Variants in PLCE1 observed in about 807,000 individuals in gnomAD.
PLCE1 encodes the protein phospholipase C epsilon 1.
PLCE1 carries 119 observed loss-of-function variants against 242.8 expected under a neutral mutation model. The ratio of observed to expected loss-of-function variants is 0.49; its 90% CI spans 0.42 to 0.57. The LOEUF (loss-of-function observed/expected upper bound fraction) is 0.57. Among genes scored for constraint, PLCE1 ranks in the 20% least tolerant of loss-of-function variants. The probability of loss-of-function intolerance (pLI) is 0.00; values close to 1 mark genes in which losing one functional copy is unlikely to be tolerated. For synonymous variants in PLCE1, 945 were observed against 1,017.4 expected (o/e 0.93, Z 1.35); for missense variants, 2,441 against 2,788.8 (o/e 0.88, Z 2.81).
chr10:94,184,532 G>C (rs2048409874), intron 4 of PLCE1, among the ~76,000 whole-genome samples: 1 of 152,108 alleles, frequency 6.6e-6, no homozygotes. Context: ...CTTTCACTAT[G>C]TTGGCCAGGC....
At chr10:94,296,704 C>T (rs998420858) in intron 23 of PLCE1, among the ~76,000 whole-genome samples, 9 of 152,154 alleles carry the variant, frequency 5.9e-5, no homozygotes, top group African/African-American at 2.2e-4. Flanking sequence ...GTTTGGCTTC[C>T]TTATCATTTG....
At chr10:94,310,235 G>A (rs2053343488) in intron 27 of PLCE1, among the ~76,000 whole-genome samples, 1 of 152,170 alleles carries the variant, frequency 6.6e-6, no homozygotes, top group Non-Finnish European at 1.5e-5. Flanking sequence ...TGGCCATGAT[G>A]GCTTCCACTG....
At chr10:94,112,455 G>A (rs934102349) in intron 2 of PLCE1, among the ~76,000 whole-genome samples, 2 of 152,166 alleles carry the variant, frequency 1.3e-5, no homozygotes, top group Non-Finnish European at 2.9e-5. Flanking sequence ...AAATTTTGAG[G>A]TTCATTTCCC....
chr10:94,018,933 C>T lies in PLCE1; in HGVS notation c.-364-11750C>T, dbSNP rs113175958. The stretch of plus-strand genomic sequence containing the variant: ...ACAGTAAGTGTACAGATATTTGAGC[C>T]TTTATTATTATAGTGCTGAAGGGGT... On this transcript the variant is annotated intron_variant, in intron 1 of 32. Coordinates refer to ENST00000371380, the MANE Select transcript of PLCE1 (RefSeq NM_016341.4). Among the ~76,000 whole-genome samples the T allele has an allele frequency of 6.7e-3, 1,018 of 152,158 alleles. 14 individuals carry two copies. The highest frequency in any genetic ancestry group is 0.023 in the African/African-American group (974 of 41,504).
intron 2 of PLCE1, among the ~76,000 whole-genome samples, chr10:94,111,861 T>C (rs1373143030): frequency 6.6e-6 from 1 of 152,260 alleles, no homozygotes; most frequent in Non-Finnish European, 1.5e-5. Flanking sequence ...TAAATGTTTG[T>C]AGTGCCGCCG....
chr10:94,005,722 C>T (rs1239964288), intron 1 of PLCE1, among the ~76,000 whole-genome samples: 2 of 152,190 alleles, frequency 1.3e-5, no homozygotes, highest in Admixed American at 6.5e-5. Flanking sequence ...AGTTCTCCAT[C>T]GTAGTGAGTA....
rs2052930976 is a variant in PLCE1 at position 94,298,771 on chromosome 10, C to T, written c.5458+102C>T. 5 of 1,155,178 alleles carry T rather than the reference C, an allele frequency of 4.3e-6. No individual in the cohort carries two copies. The highest frequency in any genetic ancestry group is 3.7e-5 in the South Asian group (3 of 81,134). The allele number at this position is 1,155,178 out of a possible 1,614,324, so 71.6% of individuals were successfully genotyped here. ...AGGGGCAAGATTCCAGACTGGGGCA[C>T]ACCATATGTGAGAGTAAAAATATGA... is the stretch of plus-strand genomic sequence containing the variant. On this transcript the variant is annotated intron_variant, in intron 24 of 32. Transcript: ENST00000371380. This position sits in a 1 kb window ranked among gnomAD's most constrained non-coding sequence, Gnocchi z 5.2.
intron 1 of PLCE1, among the ~76,000 whole-genome samples, chr10:94,021,184 G>A (rs1220349837): frequency 6.7e-6 from 1 of 149,690 alleles, no homozygotes; most frequent in Non-Finnish European, 1.5e-5. Flanking sequence ...TATGTGTACT[G>A]TGAATATTTT....
chr10:94,167,178 C>A (rs1445593416), intron 3 of PLCE1, among the ~76,000 whole-genome samples: 1 of 152,126 alleles, frequency 6.6e-6, no homozygotes, highest in Non-Finnish European at 1.5e-5. Context: ...GTAATCCCAG[C>A]TACTTGGGAG....
chr10:94,251,630 A>G (rs1041853065), intron 8 of PLCE1, among the ~76,000 whole-genome samples: 1 of 152,224 alleles, frequency 6.6e-6, no homozygotes, highest in Non-Finnish European at 1.5e-5. Context: ...TGTTACTTAC[A>G]GGATGCTACA....
intron 27 of PLCE1, among the ~76,000 whole-genome samples, chr10:94,310,975 C>T (rs926462130): frequency 6.6e-6 from 1 of 152,174 alleles, no homozygotes; most frequent in Non-Finnish European, 1.5e-5. Context: ...TCCTCAGATT[C>T]AAGAGTTTGC....
At chr10:94,040,289 C>T (rs552280918) in intron 2 of PLCE1, among the ~76,000 whole-genome samples, 1 of 152,256 alleles carries the variant, frequency 6.6e-6, no homozygotes, top group African/African-American at 2.4e-5. Context: ...CCAACTTCTC[C>T]AGATTCTCCC....
chr10:94,149,251 C>A (rs1022362113), intron 3 of PLCE1, among the ~76,000 whole-genome samples: 3 of 152,146 alleles, frequency 2.0e-5, no homozygotes, highest in Non-Finnish European at 4.4e-5. Flanking sequence ...CAGAGCAGCC[C>A]AGAAGGTGGC....
In PLCE1 at chr10:94,031,364, C is replaced by A; in HGVS notation, c.318C>A (p.Cys106Ter). 6.2e-7 allele frequency: 1 copy of A among 1,613,832 alleles called. No homozygotes were observed. The highest frequency in any genetic ancestry group is 8.5e-7 in the Non-Finnish European group (1 of 1,179,818). ...CTGCGAAAAACCTTAACATTAACTG[C>A]AACAACATATTGAGAAACCATCAGC... ...PDSAKNLNIN[C>*]NNILRNHQHG... The change falls in exon 2 of 33, where the codon TGC becomes TGA. Residue 106 changes from cysteine to a stop codon, truncating the protein, a stop_gained. Coordinates refer to ENST00000371380, the MANE Select transcript of PLCE1 (RefSeq NM_016341.4). LOFTEE classifies it high-confidence loss of function.
intron 29 of PLCE1, among the ~76,000 whole-genome samples, chr10:94,321,629 GAA>G (rs34787476): frequency 1.3e-4 from 14 of 104,662 alleles, no homozygotes; most frequent in Admixed American, 2.2e-4. Flanking sequence ...CTCCATCTCA[GAA>G]AAAAAAAAAA....
At chr10:94,227,495 T>A (rs767052759) in intron 5 of PLCE1, 44 bp downstream of exon 5, 1 of 1,567,410 alleles carries the variant, frequency 6.4e-7, no homozygotes, top group Non-Finnish European at 8.8e-7. Context: ...CAATCGCTTC[T>A]CATCACCTGA....
chr10:93,997,487 G>A (rs1441974983), intron 1 of PLCE1, among the ~76,000 whole-genome samples: 2 of 152,144 alleles, frequency 1.3e-5, no homozygotes, highest in African/African-American at 4.8e-5. Flanking sequence ...AGCAACGAAA[G>A]GTCAAGTGAT....
At chr10:94,019,479 T>C (rs371072413) in intron 1 of PLCE1, among the ~76,000 whole-genome samples, 31 of 152,340 alleles carry the variant, frequency 2.0e-4, no homozygotes, top group African/African-American at 6.7e-4. Context: ...TCACCCACCC[T>C]GCTTCCAGCA....
At chr10:94,319,720 ATGTACACAGACAAGG>A (rs2053710352) in intron 29 of PLCE1, among the ~76,000 whole-genome samples, 1 of 152,164 alleles carries the variant, frequency 6.6e-6, no homozygotes, top group African/African-American at 2.4e-5. Context: ...CATGTCAAAC[ATGTACACAGACAAGG>A]TGTACAACAA....
Sources: allele counts gnomAD v4.1 joint callset (sites outside exome capture counted in the v4.1 genomes callset), GRCh38; gene constraint gnomAD v4.1.1; non-coding constraint Gnocchi (gnomAD v3.1); transcripts MANE v1.5; gene names NCBI Gene and HGNC (gene_info 2026-07-23, HGNC 2026-07-21).